C10orf90: variants seen among roughly 807,000 people sequenced by gnomAD.
C10orf90 encodes the protein chromosome 10 open reading frame 90.
C10orf90 carries 56 observed loss-of-function variants against 62.5 expected under a neutral mutation model. The ratio of observed to expected loss-of-function variants is 0.90; its 90% CI spans 0.72 to 1.12. The LOEUF (loss-of-function observed/expected upper bound fraction) is 1.12. Among genes scored for constraint, C10orf90 ranks in the 50% most tolerant of loss-of-function variants. The pLI is 0.00. For missense variants in C10orf90, 970 were observed against 880.4 expected (o/e 1.10, Z -1.29); for synonymous variants, 386 against 340.4 (o/e 1.13, Z -1.47).
intron 4 of C10orf90, chr10:126,470,018 A>G (rs577427722): frequency 3.9e-5 from 18 of 456,638 alleles, no homozygotes; most frequent in South Asian, 2.8e-4. Flanking sequence ...CAGTGGAGGG[A>G]AAGGCATTCT....
chr10:126,641,093 G>C (rs772822470), intron 2 of C10orf90, among the ~76,000 whole-genome samples: 10 of 152,144 alleles, frequency 6.6e-5, no homozygotes, highest in Non-Finnish European at 1.2e-4. Flanking sequence ...ACAGATAAAT[G>C]TGGTGTCCCT....
intron 7 of C10orf90, among the ~76,000 whole-genome samples, chr10:126,438,534 A>G (rs557107121): frequency 6.6e-6 from 1 of 152,184 alleles, no homozygotes. Context: ...AAAAGAATAC[A>G]GTATACGACA....
chr10:126,614,301 G>A (rs188787341), intron 2 of C10orf90, among the ~76,000 whole-genome samples: 7 of 152,218 alleles, frequency 4.6e-5, no homozygotes, highest in African/African-American at 9.6e-5. Context: ...CAAGGTCATC[G>A]GGGTTAGAAA....
chr10:126,535,869 G>A (rs1864221766), intron 2 of C10orf90, among the ~76,000 whole-genome samples: 1 of 152,176 alleles, frequency 6.6e-6, no homozygotes, highest in Non-Finnish European at 1.5e-5. Context: ...CACGCTAGGA[G>A]TGCGCACTGG....
intron 2 of C10orf90, among the ~76,000 whole-genome samples, chr10:126,554,117 G>C (rs10751565): frequency 0.41 from 61,756 of 151,682 alleles, 12,840 homozygotes; most frequent in Non-Finnish European, 0.44. Context: ...GCCACACATG[G>C]AAATAACCCA....
At chr10:126,577,848 A>G (rs907436767) in intron 2 of C10orf90, among the ~76,000 whole-genome samples, 1 of 152,124 alleles carries the variant, frequency 6.6e-6, no homozygotes, top group Non-Finnish European at 1.5e-5. Flanking sequence ...ACCCTCTCCT[A>G]ATTTATGACA....
chr10:126,613,209 A>ATT (rs1845474658), intron 2 of C10orf90, among the ~76,000 whole-genome samples: 1 of 151,892 alleles, frequency 6.6e-6, no homozygotes, highest in Admixed American at 6.6e-5. Context: ...ACAGGTGACC[A>ATT]TTTTCTTTTA....
intron 2 of C10orf90, among the ~76,000 whole-genome samples, chr10:126,618,759 T>C (rs1483503155): frequency 6.6e-6 from 1 of 152,232 alleles, no homozygotes; most frequent in Non-Finnish European, 1.5e-5. Flanking sequence ...TGAGCCTCTC[T>C]TGTGCCTTCC....
At chr10:126,542,969 T>A (rs1864411260) in intron 2 of C10orf90, among the ~76,000 whole-genome samples, 1 of 152,190 alleles carries the variant, frequency 6.6e-6, no homozygotes, top group Non-Finnish European at 1.5e-5. Context: ...GAAACAAATT[T>A]AAAAATTTTA....
intron 2 of C10orf90, among the ~76,000 whole-genome samples, chr10:126,571,208 A>T (rs1349065642): frequency 6.6e-6 from 1 of 152,242 alleles, no homozygotes; most frequent in Non-Finnish European, 1.5e-5. Context: ...GGGGACACTG[A>T]GACTTCTTTT....
At chr10:126,640,339 C>A (rs1846035596) in intron 2 of C10orf90, among the ~76,000 whole-genome samples, 1 of 152,196 alleles carries the variant, frequency 6.6e-6, no homozygotes, top group African/African-American at 2.4e-5. Context: ...GGGTTCTCAG[C>A]CACTCACACG....
intron 6 of C10orf90, among the ~76,000 whole-genome samples, chr10:126,460,422 G>T (rs1303314635): frequency 6.6e-6 from 1 of 152,260 alleles, no homozygotes; most frequent in Non-Finnish European, 1.5e-5. Context: ...GGAGCTCAGA[G>T]TGCCCAGGCG....
At chr10:126,524,352 A>G (rs1163756102) in intron 2 of C10orf90, among the ~76,000 whole-genome samples, 1 of 152,146 alleles carries the variant, frequency 6.6e-6, no homozygotes, top group Non-Finnish European at 1.5e-5. Flanking sequence ...TGTGCAACCC[A>G]AACACCTTCA....
At position 126,568,456 on chromosome 10, in the gene C10orf90, G is replaced by A. The variant is rs148650294; in HGVS notation, c.314-54517C>T. ...ACCATATAGCCCCTCCGTCTTCAAA[G>A]CCAGCACAGAATCCCTCATCCTGAA... On this transcript the variant is annotated intron_variant, in intron 2 of 9. Transcript: ENST00000488181. Among the ~76,000 whole-genome samples the A allele has an allele frequency of 4.6e-5, 7 of 152,270 alleles. No individual in the cohort carries two copies. The East Asian group carries it at 1.4e-3, about 29-fold the overall frequency.
intron 7 of C10orf90, among the ~76,000 whole-genome samples, chr10:126,442,728 G>A (rs966243952): frequency 7.6e-6 from 1 of 131,902 alleles, no homozygotes; most frequent in African/African-American, 2.9e-5. Context: ...AACAGCACAT[G>A]GAACTTTCTC....
intron 7 of C10orf90, among the ~76,000 whole-genome samples, chr10:126,452,251 A>G (rs1280724014): frequency 6.6e-6 from 1 of 152,152 alleles, no homozygotes; most frequent in Non-Finnish European, 1.5e-5. Context: ...GGTTTTTTTA[A>G]TGACAAGTTT....
chr10:126,563,029 T>C (rs1864938450), intron 2 of C10orf90, among the ~76,000 whole-genome samples: 1 of 152,178 alleles, frequency 6.6e-6, no homozygotes, highest in Non-Finnish European at 1.5e-5. Context: ...ACATCACACA[T>C]GCACATGATG....
chr10:126,601,912 C>A (rs2134041886), intron 2 of C10orf90, among the ~76,000 whole-genome samples: 1 of 152,374 alleles, frequency 6.6e-6, no homozygotes, highest in South Asian at 2.1e-4. Flanking sequence ...TATACGCTAA[C>A]CTCGCTCTCG....
intron 1 of C10orf90, among the ~76,000 whole-genome samples, chr10:126,668,831 A>T (rs1377808150): frequency 1.3e-5 from 2 of 152,136 alleles, no homozygotes; most frequent in Admixed American, 1.3e-4. Flanking sequence ...CCCTGAAAAA[A>T]ATGTAGCTGT....
Sources: allele counts gnomAD v4.1 joint callset (sites outside exome capture counted in the v4.1 genomes callset), GRCh38; gene constraint gnomAD v4.1.1; transcripts MANE v1.5; gene names NCBI Gene and HGNC (gene_info 2026-07-23, HGNC 2026-07-21).